Variants in ABLIM2 observed in about 807,000 individuals in gnomAD.
ABLIM2 encodes the protein actin binding LIM protein family member 2.
Under a neutral mutation model 97.7 loss-of-function variants are expected in ABLIM2, and 53 were observed. The observed-to-expected ratio is 0.54, with a 90% CI of 0.44 to 0.68. ABLIM2 has a LOEUF of 0.68. Ranked by LOEUF, ABLIM2 falls within the 30% of genes least tolerant of loss-of-function variation. ABLIM2 has a pLI of 0.00. For missense variants in ABLIM2, 835 were observed against 867.2 expected, an observed-to-expected ratio of 0.96 and a Z score of 0.47; for synonymous variants, 361 against 345.8, an observed-to-expected ratio of 1.04 and a Z score of -0.49.
chr4:8,097,768 C>T (rs1832483783), intron 2 of ABLIM2, among the ~76,000 whole-genome samples: 1 of 152,146 alleles, frequency 6.6e-6, no homozygotes, highest in South Asian at 2.1e-4. Context: ...GTGGTCGGTG[C>T]CTCCAGCCCA....
intron 12 of ABLIM2, among the ~76,000 whole-genome samples, chr4:8,024,275 C>G (rs892614001): frequency 3.9e-5 from 6 of 152,150 alleles, no homozygotes; most frequent in African/African-American, 1.2e-4. Flanking sequence ...TTCCTGCCCC[C>G]GCTGTCGGCT....
At chr4:8,119,109 G>A (rs990164241) in intron 1 of ABLIM2, among the ~76,000 whole-genome samples, 40 of 152,080 alleles carry the variant, frequency 2.6e-4, no homozygotes, top group Admixed American at 3.9e-4. Context: ...TGGGGAACAA[G>A]TGGCCCAGCA....
intron 8 of ABLIM2, 91 bp from the exon 9 acceptor site, chr4:8,045,332 G>C: frequency 8.7e-7 from 1 of 1,152,738 alleles, no homozygotes; most frequent in South Asian, 1.2e-5. Flanking sequence ...CAGCAGCCAC[G>C]CCAGCGCACT....
Position 8,082,270 on chromosome 4 carries a change from A to G in ABLIM2, c.455-1468T>C, listed in dbSNP as rs1820412186. 2.6e-5 allele frequency among the ~76,000 whole-genome samples: 4 copies of G among 152,292 alleles called. No homozygotes were observed. The highest frequency in any genetic ancestry group is 6.5e-5 in the Admixed American group (1 of 15,304). ...GTGCTGGGTACAAATCCTGGCCCCC[A>G]CTATGCGCTGGGTCACACTGAGCGT... On this transcript the variant is annotated intron_variant, in intron 4 of 20. Coordinates refer to ENST00000447017, the MANE Select transcript of ABLIM2 (RefSeq NM_001130083.2). This position sits in a 1 kb window ranked among gnomAD's most constrained non-coding sequence, Gnocchi z 5.6.
At chr4:8,073,848 G>A (rs1261181578) in intron 6 of ABLIM2, among the ~76,000 whole-genome samples, 3 of 152,130 alleles carry the variant, frequency 2.0e-5, no homozygotes, top group Non-Finnish European at 4.4e-5. Context: ...GGCATTTTGG[G>A]AGGCTGAGGT....
At chr4:8,154,036 C>T (rs1466164428) in intron 1 of ABLIM2, among the ~76,000 whole-genome samples, 3 of 149,968 alleles carry the variant, frequency 2.0e-5, no homozygotes, top group African/African-American at 7.4e-5. Context: ...GATCTCGGCT[C>T]ACTGCAAGCT....
Position 8,087,076 on chromosome 4 carries a change from T to C in ABLIM2, c.454+1093A>G, listed in dbSNP as rs1824162722. On this transcript the variant is annotated intron_variant, in intron 4 of 20. Transcript: ENST00000447017. This position sits in a 1 kb window ranked among gnomAD's most constrained non-coding sequence, Gnocchi z 4.6. ...GAGACTCTCAACGCAGCAGACAAGG[T>C]GGGGGAGAAAGGAGGCATTTGACAC... Among the ~76,000 whole-genome samples, 1 of 151,736 alleles carries C rather than the reference T, an allele frequency of 6.6e-6. No individual in the cohort carries two copies. The highest frequency in any genetic ancestry group is 6.6e-5 in the Admixed American group (1 of 15,258).
chr4:7,988,219 C>T (rs1358171706), intron 17 of ABLIM2, among the ~76,000 whole-genome samples: 1 of 152,208 alleles, frequency 6.6e-6, no homozygotes, highest in Middle Eastern at 3.4e-3. Flanking sequence ...GACAGGGTTT[C>T]ACCACGTTGG....
intron 7 of ABLIM2, among the ~76,000 whole-genome samples, chr4:8,059,312 G>A (rs544330011): frequency 6.6e-6 from 1 of 152,052 alleles, no homozygotes; most frequent in South Asian, 2.1e-4. Context: ...GATTACTGGG[G>A]GAAACAGCAG....
chr4:8,016,514 A>G (rs1166674708), intron 14 of ABLIM2, among the ~76,000 whole-genome samples: 7 of 152,116 alleles, frequency 4.6e-5, no homozygotes, highest in Admixed American at 2.6e-4. Context: ...AGACTCTGAG[A>G]AAGGAAGCTC....
chr4:8,139,268 G>A (rs1265297573), intron 1 of ABLIM2, among the ~76,000 whole-genome samples: 1 of 150,264 alleles, frequency 6.7e-6, no homozygotes, highest in South Asian at 2.1e-4. Flanking sequence ...GAAGGGAAGG[G>A]AAGGGAAGGG....
chr4:8,147,350 A>G lies in ABLIM2; in HGVS notation c.10+11330T>C, dbSNP rs1457541556. On this transcript the variant is annotated intron_variant, in intron 1 of 20. Coordinates refer to ENST00000447017, the MANE Select transcript of ABLIM2 (RefSeq NM_001130083.2). This position sits in a 1 kb window ranked among gnomAD's most constrained non-coding sequence, Gnocchi z 5.3. Reference sequence around the variant, plus strand: ...GGTATTGACCCGGTAAACAGGATGCACCAAGAGACTACCTGTGCCCGGCTG... The same window carrying G: ...GGTATTGACCCGGTAAACAGGATGCGCCAAGAGACTACCTGTGCCCGGCTG... 2.0e-5 allele frequency among the ~76,000 whole-genome samples: 3 copies of G among 152,200 alleles called. No homozygotes were observed. The highest frequency in any genetic ancestry group is 7.2e-5 in the African/African-American group (3 of 41,438).
intron 12 of ABLIM2, 56 bp from the exon 13 acceptor site, chr4:8,020,359 G>T: frequency 6.8e-7 from 1 of 1,469,854 alleles, no homozygotes; most frequent in South Asian, 1.2e-5. Context: ...AAGCAAAGTA[G>T]AATATTTCAA....
chr4:7,990,038 G>A (rs1747474445), intron 17 of ABLIM2, among the ~76,000 whole-genome samples: 1 of 152,090 alleles, frequency 6.6e-6, no homozygotes, highest in Non-Finnish European at 1.5e-5. Flanking sequence ...CTGGGCCCTT[G>A]TAACAAATCC....
Position 8,054,825 on chromosome 4 carries a change from C to A in ABLIM2, c.764-579G>T, listed in dbSNP as rs1798070479. 6.6e-6 allele frequency among the ~76,000 whole-genome samples: 1 copy of A among 152,072 alleles called. No homozygotes were observed. The highest frequency in any genetic ancestry group is 2.4e-5 in the African/African-American group (1 of 41,400). On this transcript the variant is annotated intron_variant, in intron 7 of 20. Coordinates refer to ENST00000447017, the MANE Select transcript of ABLIM2 (RefSeq NM_001130083.2). The surrounding 1 kb of genome is among the most constrained non-coding windows in gnomAD (Gnocchi z 4.9). Reference sequence around the variant, plus strand: ...GAAGAACAGGTGTGTTCGGTGGGAGCTGGGCACAAGGCTCAAACACCAGCC... The same window carrying A: ...GAAGAACAGGTGTGTTCGGTGGGAGATGGGCACAAGGCTCAAACACCAGCC...
At position 8,157,134 on chromosome 4, in the gene ABLIM2, C is replaced by A. The variant is rs80184342; in HGVS notation, c.10+1546G>T. Among the ~76,000 whole-genome samples the A allele has an allele frequency of 5.5e-4, 84 of 152,326 alleles. 1 individual carries two copies. The East Asian group carries it at 0.015, about 28-fold the overall frequency. ...TGGAAGGTGCCACCTATGCCTAAGA[C>A]CACCAGGCAGTCACCATGGTTCAAA... On this transcript the variant is annotated intron_variant, in intron 1 of 20. Coordinates refer to ENST00000447017, the MANE Select transcript of ABLIM2 (RefSeq NM_001130083.2).
In ABLIM2 at chr4:8,043,350, A is replaced by G. The variant is rs1790004285; in HGVS notation, c.900+1814T>C. Among the ~76,000 whole-genome samples the G allele has an allele frequency of 6.6e-6, 1 of 152,194 alleles. No homozygotes were observed. On this transcript the variant is annotated intron_variant, in intron 9 of 20. Coordinates refer to ENST00000447017, the MANE Select transcript of ABLIM2 (RefSeq NM_001130083.2). The surrounding 1 kb of genome is among the most constrained non-coding windows in gnomAD (Gnocchi z 4.8). ...CATACCTTTGTGCGCCTACACAAAC[A>G]TGATCTCATTCACATGATAATTGTC...
intron 14 of ABLIM2, among the ~76,000 whole-genome samples, chr4:8,017,402 T>C (rs1259258326): frequency 6.6e-6 from 1 of 151,960 alleles, no homozygotes; most frequent in Non-Finnish European, 1.5e-5. Context: ...TTCTCCTGCC[T>C]CAGCCTCCCG....
chr4:7,965,687 A>AC lies in ABLIM2; in HGVS notation c.*1302dup, dbSNP rs1256447059. On this transcript the variant is annotated 3_prime_UTR_variant, in exon 21 of 21. Coordinates refer to ENST00000447017, the MANE Select transcript of ABLIM2 (RefSeq NM_001130083.2). ...CGGCCGGTGCTGCACCCTAACACAC[A>AC]CCTAATGACAGACACCAACGCCTTC... The AC allele has an allele frequency of 1.3e-5, 2 of 152,032 alleles. No homozygotes were observed. The highest frequency in any genetic ancestry group is 4.8e-5 in the African/African-American group (2 of 41,348). 9.4% of individuals were successfully genotyped at this position (152,032 alleles called of 1,614,324 possible). A position where few individuals can be genotyped will look rare whatever the true frequency, so the allele number is the denominator to read the frequency against.
Sources: allele counts gnomAD v4.1 joint callset (sites outside exome capture counted in the v4.1 genomes callset), GRCh38; gene constraint gnomAD v4.1.1; non-coding constraint Gnocchi (gnomAD v3.1); transcripts MANE v1.5; gene names NCBI Gene and HGNC (gene_info 2026-07-23, HGNC 2026-07-21).